LBR: variants seen among roughly 807,000 people sequenced by gnomAD.
The protein encoded by LBR is lamin B receptor.
In LBR, 28 loss-of-function variants were observed where a neutral mutation model predicts 74.3. That is an observed-to-expected ratio of 0.38 (90% CI 0.28 to 0.52). The LOEUF (loss-of-function observed/expected upper bound fraction) is 0.52. Ranked by LOEUF, LBR falls within the 20% of genes least tolerant of loss-of-function variation. The probability of loss-of-function intolerance (pLI) is 0.89; values close to 1 mark genes in which losing one functional copy is unlikely to be tolerated. For synonymous variants in LBR, 228 were observed against 269.3 expected, an observed-to-expected ratio of 0.85 and a Z score of 1.50; for missense variants, 717 against 760.3, an observed-to-expected ratio of 0.94 and a Z score of 0.67.
At chr1:225,417,915 G>T in intron 6 of LBR, 69 bp downstream of exon 6, 1 of 1,431,018 alleles carries the variant, frequency 7.0e-7, no homozygotes, top group South Asian at 1.2e-5. Flanking sequence ...CCCAGAAATT[G>T]GAGACCCGCC....
At chr1:225,403,774 C>CG (rs1163239048) in intron 13 of LBR, among the ~76,000 whole-genome samples, 1 of 152,184 alleles carries the variant, frequency 6.6e-6, no homozygotes, top group African/African-American at 2.4e-5. Flanking sequence ...AGAAAAACTG[C>CG]TGTCTTCCAC....
chr1:225,419,533 A>T (rs1312542374), intron 4 of LBR, 81 bp from the exon 5 acceptor site: 3 of 1,058,658 alleles, frequency 2.8e-6, no homozygotes, highest in East Asian at 2.5e-5. Context: ...TCAGCATCTC[A>T]ATACAGCTAT....
At chr1:225,414,788 C>G (rs1314287164) in intron 7 of LBR, among the ~76,000 whole-genome samples, 1 of 152,170 alleles carries the variant, frequency 6.6e-6, no homozygotes, top group Non-Finnish European at 1.5e-5. Flanking sequence ...CAAAACAGAG[C>G]AGGGGAGAGA....
chr1:225,410,560 G>C, intron 9 of LBR, 144 bp from the exon 10 acceptor site: 1 of 794,754 alleles, frequency 1.3e-6, no homozygotes, highest in Non-Finnish European at 2.1e-6. Context: ...AGACATCTCA[G>C]CACCATGGGC....
chr1:225,413,391 T>G (rs1424173515), intron 7 of LBR, among the ~76,000 whole-genome samples: 1 of 152,254 alleles, frequency 6.6e-6, no homozygotes, highest in Non-Finnish European at 1.5e-5. Context: ...AATTTTTTTC[T>G]TTTGGCTAAA....
At chr1:225,419,692 G>T in intron 4 of LBR, 23 bp downstream of exon 4, 6 of 1,533,568 alleles carry the variant, frequency 3.9e-6, no homozygotes, top group Non-Finnish European at 5.4e-6. Flanking sequence ...AAACAACCAA[G>T]ATGAAAGGGA....
intron 10 of LBR, 129 bp from the exon 11 acceptor site, chr1:225,406,961 G>A (rs1280289040): frequency 2.4e-6 from 2 of 845,164 alleles, no homozygotes; most frequent in African/African-American, 1.7e-5. Flanking sequence ...TTTTGTTAAA[G>A]GGGAGAGAGA....
At chr1:225,404,294 G>A (rs1328483545) in intron 13 of LBR, 110 bp downstream of exon 13, 20 of 1,477,392 alleles carry the variant, frequency 1.4e-5, no homozygotes, top group Middle Eastern at 2.4e-4. Flanking sequence ...AGAAAAGGGC[G>A]ACAAAAAGAC....
At chr1:225,411,644 C>G (rs534442223) in intron 8 of LBR, among the ~76,000 whole-genome samples, 10 of 152,340 alleles carry the variant, frequency 6.6e-5, no homozygotes, top group Admixed American at 4.6e-4. Context: ...GTTGCTCCAG[C>G]CTTTGGGGGA....
chr1:225,413,770 CGAAAA>C, intron 7 of LBR: 1 of 339,712 alleles, frequency 2.9e-6, no homozygotes, highest in South Asian at 2.3e-5. Context: ...CGTAAAATCT[CGAAAA>C]GAAATCTCAA....
intron 11 of LBR, among the ~76,000 whole-genome samples, chr1:225,406,403 G>T (rs942291977): frequency 6.6e-6 from 1 of 152,092 alleles, no homozygotes; most frequent in African/African-American, 2.4e-5. Context: ...TTACCAAAAC[G>T]AATTAAAACA....
chr1:225,419,497 C>A, intron 4 of LBR, 45 bp from the exon 5 acceptor site: 1 of 1,321,116 alleles, frequency 7.6e-7, no homozygotes, highest in Admixed American at 1.7e-5. Context: ...TGAACAATTA[C>A]CATTAATGCT....
At chr1:225,413,337 C>T (rs1471748645) in intron 7 of LBR, among the ~76,000 whole-genome samples, 5 of 152,218 alleles carry the variant, frequency 3.3e-5, no homozygotes, top group African/African-American at 7.2e-5. Context: ...ACTCTCGTTC[C>T]GGGCTAGTCC....
At chr1:225,406,972 TCTG>T in intron 10 of LBR, 140 bp from the exon 11 acceptor site, 1 of 775,322 alleles carries the variant, frequency 1.3e-6, no homozygotes, top group East Asian at 2.7e-5. Flanking sequence ...GGGAGAGAGA[TCTG>T]GTTCCCCTGG....
In LBR at chr1:225,403,480, T is replaced by C; in HGVS notation, c.1688-17A>G. 6.4e-7 allele frequency: 1 copy of C among 1,565,112 alleles called. No homozygotes were observed. Among genetic ancestry groups the C allele is most frequent in the South Asian group, 1.1e-5 (1 of 90,050 alleles). ...GGTTAAAACCTGTGGATAATAATAG[T>C]ACACAGTATTAGATATTTTTATTAT... On this transcript the variant is annotated splice_polypyrimidine_tract_variant and intron_variant, in intron 13 of 13. Coordinates refer to ENST00000272163, the MANE Select transcript of LBR (RefSeq NM_002296.4).
chr1:225,416,077 C>T lies in LBR; in HGVS notation c.838-745G>A, dbSNP rs1007005559. On this transcript the variant is annotated intron_variant, in intron 6 of 13. Coordinates refer to ENST00000272163, the MANE Select transcript of LBR (RefSeq NM_002296.4). ...TACAAAAACTAGCCAAGCCTGGTGG[C>T]ACGCGCCTGTGGTCCCAGCTACTCG... 1.4e-4 allele frequency among the ~76,000 whole-genome samples: 22 copies of T among 151,984 alleles called. 1 individual carries two copies. Among genetic ancestry groups the T allele is most frequent in the Non-Finnish European group, 5.9e-5 (4 of 68,008 alleles).
chr1:225,413,963 G>A (rs1310499910), intron 7 of LBR: 1 of 456,722 alleles, frequency 2.2e-6, no homozygotes, highest in Non-Finnish European at 4.4e-6. Flanking sequence ...AAAAGAATTG[G>A]TACCTACAGA....
chr1:225,404,840 T>C, intron 11 of LBR, 134 bp from the exon 12 acceptor site: 1 of 697,212 alleles, frequency 1.4e-6, no homozygotes. Context: ...GCTCAAGAGA[T>C]CCTCCTGCTT....
chr1:225,425,435 C>T (rs1429643380), intron 1 of LBR, among the ~76,000 whole-genome samples: 1 of 152,090 alleles, frequency 6.6e-6, no homozygotes, highest in African/African-American at 2.4e-5. Context: ...CTACACCTAC[C>T]TGAGATTGGG....
Sources: allele counts gnomAD v4.1 joint callset (sites outside exome capture counted in the v4.1 genomes callset), GRCh38; gene constraint gnomAD v4.1.1; transcripts MANE v1.5; gene names NCBI Gene and HGNC (gene_info 2026-07-23, HGNC 2026-07-21).